FSTL4: variants seen among roughly 807,000 people sequenced by gnomAD.
FSTL4 encodes follistatin-related protein 4.
In FSTL4, 28 loss-of-function variants were observed where a neutral mutation model predicts 78.2. The ratio of observed to expected loss-of-function variants is 0.36; its 90% CI spans 0.27 to 0.49. FSTL4 has a LOEUF of 0.49. FSTL4 is among the 20% of genes least tolerant of loss of function. FSTL4 has a pLI of 0.98. For missense variants in FSTL4, 922 were observed against 1,084.9 expected (o/e 0.85, Z 2.11); for synonymous variants, 422 against 440.5 (o/e 0.96, Z 0.53).
chr5:133,264,622 C>T (rs1046402164), intron 6 of FSTL4, among the ~76,000 whole-genome samples: 14 of 152,152 alleles, frequency 9.2e-5, no homozygotes, highest in Admixed American at 2.6e-4. Flanking sequence ...GTTAGGCAGA[C>T]GCATGGCAGC....
chr5:133,237,524 G>A (rs4958109), intron 7 of FSTL4, among the ~76,000 whole-genome samples: 63,076 of 151,892 alleles, frequency 0.42, 13,667 homozygotes, highest in East Asian at 0.71. Context: ...TGGCTCTTCC[G>A]TGAGAACCTA....
upstream of FSTL4, among the ~76,000 whole-genome samples, chr5:133,616,821 C>CT (rs1314407110): frequency 2.6e-5 from 4 of 152,316 alleles, no homozygotes; most frequent in African/African-American, 9.6e-5. Context: ...TGGTACTGGA[C>CT]TTAGTTGATA....
intron 8 of FSTL4, 33 bp downstream of exon 8, chr5:133,233,384 G>A (rs370988227): frequency 3.7e-6 from 6 of 1,612,830 alleles, no homozygotes; most frequent in Non-Finnish European, 5.1e-6. Context: ...GGGAGGCTAT[G>A]AGGGGACAAC....
the FSTL4 span, among the ~76,000 whole-genome samples, chr5:133,805,642 C>T: frequency 6.6e-6 from 1 of 152,184 alleles, no homozygotes; most frequent in Admixed American, 6.5e-5. Flanking sequence ...GCACATGTGG[C>T]ACTGTGGGAG....
intron 3 of FSTL4, among the ~76,000 whole-genome samples, chr5:133,466,593 A>G (rs1235886785): frequency 6.6e-6 from 1 of 152,154 alleles, no homozygotes; most frequent in Non-Finnish European, 1.5e-5. Flanking sequence ...TCATTCATTC[A>G]AAGTTCATCC....
intron 6 of FSTL4, among the ~76,000 whole-genome samples, chr5:133,308,264 C>T (rs1753700444): frequency 6.6e-6 from 1 of 152,240 alleles, no homozygotes; most frequent in South Asian, 2.1e-4. Context: ...GTCTTGGCTT[C>T]AGCCAAAACT....
At chr5:133,809,726 T>C in the FSTL4 span, among the ~76,000 whole-genome samples, 1 of 152,188 alleles carries the variant, frequency 6.6e-6, no homozygotes, top group Non-Finnish European at 1.5e-5. Context: ...GTGAGGACTA[T>C]ACCTGAAGCT....
At chr5:133,347,406 G>A (rs971389796) in intron 4 of FSTL4, among the ~76,000 whole-genome samples, 1 of 152,150 alleles carries the variant, frequency 6.6e-6, no homozygotes, top group Non-Finnish European at 1.5e-5. Context: ...GAGTGCAGTG[G>A]TGTGATCTCA....
At chr5:133,315,077 G>A (rs1753872098) in intron 5 of FSTL4, among the ~76,000 whole-genome samples, 1 of 152,152 alleles carries the variant, frequency 6.6e-6, no homozygotes, top group Non-Finnish European at 1.5e-5. Flanking sequence ...CAGAAGAATG[G>A]CTTCAGCCTG....
intron 3 of FSTL4, among the ~76,000 whole-genome samples, chr5:133,530,831 G>C (rs1294204010): frequency 6.6e-6 from 1 of 152,208 alleles, no homozygotes; most frequent in African/African-American, 2.4e-5. Flanking sequence ...CCAGTGCAGA[G>C]ACCTGGCAGG....
chr5:133,219,272 C>A (rs1378740476), intron 12 of FSTL4, among the ~76,000 whole-genome samples: 1 of 152,178 alleles, frequency 6.6e-6, no homozygotes, highest in Admixed American at 6.5e-5. Flanking sequence ...CTCATGCCAC[C>A]CCCCATTCTC....
chr5:133,665,755 A>G, the FSTL4 span, among the ~76,000 whole-genome samples: 7 of 152,352 alleles, frequency 4.6e-5, no homozygotes, highest in East Asian at 1.2e-3. Context: ...ATAGGGGTAC[A>G]TAACAGAGGG....
chr5:133,252,232 A>C (rs755985622), intron 6 of FSTL4: 2 of 152,226 alleles, frequency 1.3e-5, no homozygotes, highest in East Asian at 1.9e-4. Flanking sequence ...GGTTAGTTAC[A>C]AAAGGAATCA....
the FSTL4 span, among the ~76,000 whole-genome samples, chr5:133,780,989 G>C: frequency 6.6e-6 from 1 of 152,220 alleles, no homozygotes; most frequent in East Asian, 1.9e-4. Flanking sequence ...GTGGAGCAGA[G>C]ATTCTGATTC....
chr5:133,433,652 C>CGT (rs1315133275), intron 3 of FSTL4, among the ~76,000 whole-genome samples: 8 of 152,102 alleles, frequency 5.3e-5, no homozygotes, highest in African/African-American at 1.9e-4. Context: ...ATCAGATGGT[C>CGT]GTGAGTGCAG....
intron 6 of FSTL4, among the ~76,000 whole-genome samples, chr5:133,303,741 A>G (rs1332046204): frequency 6.6e-6 from 1 of 152,220 alleles, no homozygotes; most frequent in Non-Finnish European, 1.5e-5. Flanking sequence ...GCAACAAGCT[A>G]GAGAACTGGT....
chr5:133,581,685 A>G (rs1341059122), intron 2 of FSTL4, among the ~76,000 whole-genome samples: 5 of 152,276 alleles, frequency 3.3e-5, no homozygotes, highest in Admixed American at 1.3e-4. Flanking sequence ...CTAACCCAGC[A>G]GTTCTCAAAT....
chr5:133,684,440 T>A, the FSTL4 span, among the ~76,000 whole-genome samples: 1 of 152,200 alleles, frequency 6.6e-6, no homozygotes, highest in Admixed American at 6.5e-5. Flanking sequence ...CTTCTCTCTC[T>A]CCTGAACCTC....
chr5:133,220,732 AG>A lies in FSTL4; in HGVS notation c.1458+15del, dbSNP rs1751067592. ...CTGTGTATGATGTAGAAGCTGCCCC[AG>A]GCACAGTTACTTACATAGCTCATGA... On this transcript the variant is annotated intron_variant, in intron 12 of 15. Transcript: ENST00000265342. 3 of 1,288,174 alleles carry A rather than the reference AG, an allele frequency of 2.3e-6. No homozygotes were observed. Among genetic ancestry groups the A allele is most frequent in the Non-Finnish European group, 2.3e-6 (2 of 881,998 alleles). 79.8% of individuals were successfully genotyped at this position (1,288,174 alleles called of 1,614,324 possible).
Sources: gnomAD v4.1 joint callset for allele counts (sites outside exome capture counted in the v4.1 genomes callset) on GRCh38, gnomAD v4.1.1 for gene constraint, MANE v1.5 for transcripts, NCBI Gene and HGNC (gene_info 2026-07-23, HGNC 2026-07-21) for gene names.